The following FBXW8 variants were observed in gnomAD, a reference collection of about 807,000 sequenced individuals.
FBXW8 encodes F-box and WD repeat domain containing 8.
A neutral mutation model predicts 65.3 loss-of-function variants in FBXW8; 57 were observed. The observed-to-expected ratio is 0.87, with a 90% CI of 0.71 to 1.09. FBXW8 has a LOEUF of 1.09. FBXW8 is among the 50% of genes least tolerant of loss of function. The pLI, the probability that FBXW8 is intolerant of heterozygous loss-of-function variation, is 0.00. For synonymous variants in FBXW8, 308 were observed against 330.2 expected (o/e 0.93, Z 0.73); for missense variants, 777 against 814.8 (o/e 0.95, Z 0.57).
chr12:116,917,702 C>A (rs796992248), intron 1 of FBXW8, among the ~76,000 whole-genome samples: 10 of 152,210 alleles, frequency 6.6e-5, no homozygotes, highest in African/African-American at 2.2e-4. Flanking sequence ...GACATGAAAA[C>A]GCAGGACTCA....
At chr12:116,981,335 G>A (rs1242580720) in intron 5 of FBXW8, among the ~76,000 whole-genome samples, 2 of 152,228 alleles carry the variant, frequency 1.3e-5, no homozygotes, top group Non-Finnish European at 2.9e-5. Context: ...AGTTCAAAGG[G>A]AAATTGCAAA....
At chr12:116,957,434 T>C (rs1883721760) in intron 4 of FBXW8, among the ~76,000 whole-genome samples, 1 of 152,216 alleles carries the variant, frequency 6.6e-6, no homozygotes. Context: ...CGTATATATT[T>C]GCCCTGAATT....
At position 117,029,500 on chromosome 12, in the gene FBXW8, A is replaced by T. The variant is rs1325639891; in HGVS notation, c.*1328A>T. ...CTGTGAGGGGCTGGCACCTCAGCTC[A>T]GAAAAGGTAGCAGCAATCCCAAAGC... On this transcript the variant is annotated 3_prime_UTR_variant, in exon 11 of 11. Transcript: ENST00000652555. The T allele has an allele frequency of 6.6e-6, 1 of 152,304 alleles. No individual in the cohort carries two copies. Among genetic ancestry groups the T allele is most frequent in the East Asian group, 1.9e-4 (1 of 5,204 alleles). 9.4% of individuals were successfully genotyped at this position (152,304 alleles called of 1,614,324 possible).
chr12:117,026,906 C>T (rs919658392), intron 9 of FBXW8, among the ~76,000 whole-genome samples: 19 of 152,194 alleles, frequency 1.2e-4, no homozygotes, highest in African/African-American at 3.9e-4. Flanking sequence ...ATTTTCCGAA[C>T]GTGCTTTCAC....
At chr12:117,006,292 G>A (rs1953672616) in intron 7 of FBXW8, among the ~76,000 whole-genome samples, 1 of 152,236 alleles carries the variant, frequency 6.6e-6, no homozygotes, top group African/African-American at 2.4e-5. Context: ...ATTTCAGTAT[G>A]CAAGTGGTTC....
At chr12:117,021,719 A>T (rs1954103745) in intron 8 of FBXW8, among the ~76,000 whole-genome samples, 1 of 152,166 alleles carries the variant, frequency 6.6e-6, no homozygotes, top group South Asian at 2.1e-4. Flanking sequence ...CTTCTCACTG[A>T]TAAGAAGTCT....
At chr12:116,914,668 G>C (rs1373437053) in intron 1 of FBXW8, among the ~76,000 whole-genome samples, 1 of 151,682 alleles carries the variant, frequency 6.6e-6, no homozygotes, top group Non-Finnish European at 1.5e-5. Flanking sequence ...CTGAGGTCAG[G>C]AGTTCGAGAC....
chr12:117,004,188 A>G (rs1433044827), intron 7 of FBXW8, among the ~76,000 whole-genome samples: 1 of 152,074 alleles, frequency 6.6e-6, no homozygotes, highest in African/African-American at 2.4e-5. Context: ...TATCTCATCC[A>G]TTGACTTTTT....
intron 9 of FBXW8, among the ~76,000 whole-genome samples, chr12:117,026,525 A>C (rs975615661): frequency 1.3e-5 from 2 of 151,936 alleles, no homozygotes; most frequent in Non-Finnish European, 2.9e-5. Context: ...AGCTTCCCTC[A>C]CTTCCAAGAA....
At chr12:116,997,321 C>T (rs1454571242) in intron 7 of FBXW8, among the ~76,000 whole-genome samples, 1 of 152,040 alleles carries the variant, frequency 6.6e-6, no homozygotes, top group African/African-American at 2.4e-5. Flanking sequence ...TTTAGGATCT[C>T]TAGGGATCCT....
At chr12:116,912,440 T>C (rs978768969) in intron 1 of FBXW8, among the ~76,000 whole-genome samples, 1 of 149,360 alleles carries the variant, frequency 6.7e-6, no homozygotes, top group Non-Finnish European at 1.5e-5. Flanking sequence ...TCCTCCCAAT[T>C]GAGAATCATT....
intron 2 of FBXW8, among the ~76,000 whole-genome samples, chr12:116,943,803 C>T (rs917669502): frequency 6.6e-6 from 1 of 152,170 alleles, no homozygotes; most frequent in Admixed American, 6.5e-5. Flanking sequence ...GCTTTTTGGT[C>T]AGCCTCTAAC....
intron 8 of FBXW8, among the ~76,000 whole-genome samples, chr12:117,013,842 G>A (rs1953883254): frequency 6.6e-6 from 1 of 151,544 alleles, no homozygotes; most frequent in Admixed American, 6.6e-5. Context: ...TTAGGAATTG[G>A]GGCATTTATG....
chr12:116,985,545 C>A, intron 6 of FBXW8, 143 bp downstream of exon 6: 5 of 754,752 alleles, frequency 6.6e-6, no homozygotes, highest in South Asian at 2.0e-5. Context: ...TACAGCCTTA[C>A]AAAATAGGTA....
In FBXW8 at chr12:116,964,658, C is replaced by A. The variant is rs747242848; in HGVS notation, c.678-39C>A. On this transcript the variant is annotated intron_variant, in intron 4 of 10. Transcript: ENST00000652555. ...TTTTCCCCACCATAGCCCTGCTCTT[C>A]AATCTCCTTTTGGAACCAAGTGTGT... 4.3e-6 allele frequency: 7 copies of A among 1,611,808 alleles called. No homozygotes were observed. The East Asian group carries it at 8.9e-5, about 21-fold the overall frequency.
intron 4 of FBXW8, 129 bp downstream of exon 4, chr12:116,949,835 G>T: frequency 1.2e-6 from 1 of 832,780 alleles, no homozygotes. Context: ...CAGCCCATGT[G>T]GAAGAGGGAG....
At chr12:117,002,745 T>G (rs1953563171) in intron 7 of FBXW8, 1 of 152,238 alleles carries the variant, frequency 6.6e-6, no homozygotes, top group East Asian at 1.9e-4. Context: ...TAACTGCATT[T>G]TTATTTTTTT....
chr12:117,007,209 G>C (rs780009184), intron 7 of FBXW8, among the ~76,000 whole-genome samples: 1 of 151,956 alleles, frequency 6.6e-6, no homozygotes, highest in African/African-American at 2.4e-5. Context: ...TGACAAAATT[G>C]CAAGTTAAGA....
chr12:117,025,482 G>C (rs528193354), intron 9 of FBXW8, among the ~76,000 whole-genome samples: 9 of 152,230 alleles, frequency 5.9e-5, no homozygotes, highest in Non-Finnish European at 1.3e-4. Context: ...CACAACCTCT[G>C]AGCAGCGACA....
Sources: gnomAD v4.1 joint callset for allele counts (sites outside exome capture counted in the v4.1 genomes callset) on GRCh38, gnomAD v4.1.1 for gene constraint, MANE v1.5 for transcripts, NCBI Gene and HGNC (gene_info 2026-07-23, HGNC 2026-07-21) for gene names.